Variants in TMEFF1 observed in about 807,000 individuals in gnomAD.
The protein encoded by TMEFF1 is tomoregulin-1.
Under a neutral mutation model 47.5 loss-of-function variants are expected in TMEFF1, and 20 were observed. That is an observed-to-expected ratio of 0.42 (90% CI 0.30 to 0.61). The LOEUF (loss-of-function observed/expected upper bound fraction) is 0.61, where lower values mean the gene tolerates loss of function less well. Ranked by LOEUF, TMEFF1 falls within the 20% of genes least tolerant of loss-of-function variation. The pLI is 0.19. For missense variants in TMEFF1, 411 were observed against 471.1 expected, an observed-to-expected ratio of 0.87 and a Z score of 1.18; for synonymous variants, 162 against 166.3, an observed-to-expected ratio of 0.97 and a Z score of 0.20.
At chr9:100,528,492 C>T (rs952364505) in intron 5 of TMEFF1, among the ~76,000 whole-genome samples, 5 of 144,666 alleles carry the variant, frequency 3.5e-5, no homozygotes, top group Admixed American at 6.9e-5. Context: ...AGGGTATCAG[C>T]GATGGAAGAT....
intron 6 of TMEFF1, among the ~76,000 whole-genome samples, chr9:100,548,806 C>T (rs1238630236): frequency 2.6e-5 from 4 of 152,156 alleles, no homozygotes; most frequent in Non-Finnish European, 5.9e-5. Context: ...AAAGAATACC[C>T]AGGAAGCTCA....
At chr9:100,550,535 CTT>C (rs1838813111) in intron 7 of TMEFF1, among the ~76,000 whole-genome samples, 1 of 152,216 alleles carries the variant, frequency 6.6e-6, no homozygotes. Flanking sequence ...GCCTGAAACT[CTT>C]TATTTCCTTT....
chr9:100,566,349 C>T (rs1839124909), intron 8 of TMEFF1, among the ~76,000 whole-genome samples: 1 of 152,140 alleles, frequency 6.6e-6, no homozygotes, highest in South Asian at 2.1e-4. Context: ...TTTACATTTC[C>T]ACATGGACGT....
At chr9:100,540,887 G>T (rs1389778120) in intron 5 of TMEFF1, among the ~76,000 whole-genome samples, 1 of 151,502 alleles carries the variant, frequency 6.6e-6, no homozygotes, top group South Asian at 2.1e-4. Flanking sequence ...CTATTTTTTT[G>T]CTCCCCTTTC....
In TMEFF1 at chr9:100,513,318, G is replaced by A. The variant is rs1255181896; in HGVS notation, c.448G>A (p.Gly150Arg). 6.3e-7 allele frequency: 1 copy of A among 1,595,216 alleles called. No homozygotes were observed. Among genetic ancestry groups the A allele is most frequent in the Non-Finnish European group, 8.5e-7 (1 of 1,172,930 alleles). ...RGPCYSDNGS[G>R]SGEGEEEGSG... ...GTTTTTCTTCTCAGATAATGGATCT[G>A]GATCTGGAGAAGGAGGTAAGTTTCA... The change falls in exon 4 of 10, where the codon GGA becomes AGA. Residue 150 changes from glycine (G) to arginine (R), a missense_variant. Coordinates refer to ENST00000374879, the MANE Select transcript of TMEFF1 (RefSeq NM_003692.5).
chr9:100,495,571 G>C (rs908560600), intron 1 of TMEFF1, among the ~76,000 whole-genome samples: 4 of 152,020 alleles, frequency 2.6e-5, no homozygotes, highest in African/African-American at 9.7e-5. Flanking sequence ...TTTCCTGTGT[G>C]TCCAAAATTC....
chr9:100,497,000 G>A (rs1177562984), intron 1 of TMEFF1, among the ~76,000 whole-genome samples: 2 of 152,082 alleles, frequency 1.3e-5, no homozygotes, highest in African/African-American at 4.8e-5. Flanking sequence ...TTAATATTTT[G>A]TTATCTTCCT....
chr9:100,550,217 G>C, intron 7 of TMEFF1, 57 bp downstream of exon 7: 1 of 1,556,176 alleles, frequency 6.4e-7, no homozygotes. Context: ...GTCACTAGCT[G>C]TCCTTATTAG....
intron 2 of TMEFF1, among the ~76,000 whole-genome samples, chr9:100,507,380 A>G (rs751109656): frequency 1.3e-5 from 2 of 152,184 alleles, no homozygotes; most frequent in Non-Finnish European, 2.9e-5. Flanking sequence ...CTACCCAGTA[A>G]TGAGATTGCT....
chr9:100,479,424 G>A (rs1431034151), intron 1 of TMEFF1, among the ~76,000 whole-genome samples: 1 of 152,110 alleles, frequency 6.6e-6, no homozygotes, highest in Admixed American at 6.5e-5. Flanking sequence ...ACAGTTAAGT[G>A]GATTTATATA....
intron 8 of TMEFF1, among the ~76,000 whole-genome samples, chr9:100,566,958 G>A (rs1034097828): frequency 6.6e-6 from 1 of 152,012 alleles, no homozygotes; most frequent in African/African-American, 2.4e-5. Context: ...ATCATGTTGC[G>A]CAGGCTGGTC....
At chr9:100,537,626 T>A (rs1014169756) in intron 5 of TMEFF1, among the ~76,000 whole-genome samples, 2 of 152,172 alleles carry the variant, frequency 1.3e-5, no homozygotes, top group African/African-American at 2.4e-5. Flanking sequence ...CTGCACTGAG[T>A]GGAAGATCAG....
chr9:100,480,806 C>G (rs997674096), intron 1 of TMEFF1, among the ~76,000 whole-genome samples: 2 of 152,134 alleles, frequency 1.3e-5, no homozygotes, highest in Non-Finnish European at 2.9e-5. Flanking sequence ...CCTTAACTGA[C>G]TTTTTTGGTT....
Position 100,480,450 on chromosome 9 carries a change from C to T in TMEFF1, c.196+6710C>T, listed in dbSNP as rs556986444. On this transcript the variant is annotated intron_variant, in intron 1 of 9. Coordinates refer to ENST00000374879, the MANE Select transcript of TMEFF1 (RefSeq NM_003692.5). Reference sequence around the variant, plus strand: ...TACAAAAAGTTGTTTTTATGAAATGCTTTGAAAAGACTTGATAAAGACAAG... The same window carrying T: ...TACAAAAAGTTGTTTTTATGAAATGTTTTGAAAAGACTTGATAAAGACAAG... Among the ~76,000 whole-genome samples the T allele has an allele frequency of 1.1e-4, 16 of 152,180 alleles. No individual in the cohort carries two copies. The South Asian group carries it at 2.9e-3, about 28-fold the overall frequency.
intron 1 of TMEFF1, among the ~76,000 whole-genome samples, chr9:100,488,321 C>T (rs1365173652): frequency 6.6e-6 from 1 of 152,010 alleles, no homozygotes. Flanking sequence ...ATTTAATTCC[C>T]AAAAGATAGA....
intron 5 of TMEFF1, among the ~76,000 whole-genome samples, chr9:100,524,572 G>A (rs543478130): frequency 1.3e-5 from 2 of 152,284 alleles, no homozygotes; most frequent in African/African-American, 4.8e-5. Context: ...GGATTCTAAT[G>A]TCTGGATCAC....
intron 2 of TMEFF1, among the ~76,000 whole-genome samples, chr9:100,501,903 A>G (rs1019550179): frequency 2.0e-5 from 3 of 152,192 alleles, no homozygotes; most frequent in Admixed American, 1.3e-4. Context: ...TTGGCCTCCC[A>G]AAGTGCTGGG....
intron 5 of TMEFF1, among the ~76,000 whole-genome samples, chr9:100,542,964 T>G (rs2118494837): frequency 6.6e-6 from 1 of 150,950 alleles, no homozygotes; most frequent in African/African-American, 2.4e-5. Context: ...ATTTCACTCT[T>G]GTTGCCTAGG....
chr9:100,563,279 T>G (rs1373000147), intron 8 of TMEFF1, among the ~76,000 whole-genome samples: 1 of 152,238 alleles, frequency 6.6e-6, no homozygotes, highest in Non-Finnish European at 1.5e-5. Context: ...CTAAATCTTA[T>G]AGTGGGCTCT....
Sources: allele counts gnomAD v4.1 joint callset (sites outside exome capture counted in the v4.1 genomes callset), GRCh38; gene constraint gnomAD v4.1.1; transcripts MANE v1.5; gene names NCBI Gene and HGNC (gene_info 2026-07-23, HGNC 2026-07-21).